The following FXYD3 variants were observed in gnomAD, a reference collection of about 807,000 sequenced individuals.
FXYD3 encodes the protein FXYD domain-containing ion transport regulator 3.
In FXYD3, 13 loss-of-function variants were observed where a neutral mutation model predicts 19.2. The ratio of observed to expected loss-of-function variants is 0.68; its 90% CI spans 0.44 to 1.08. The LOEUF (loss-of-function observed/expected upper bound fraction) is 1.08. Ranked by LOEUF, FXYD3 falls within the 50% of genes least tolerant of loss-of-function variation. The pLI is 0.00. For missense variants in FXYD3, 101 were observed against 109.4 expected (o/e 0.92, Z 0.34); for synonymous variants, 48 against 38.9 (o/e 1.23, Z -0.87).
chr19:35,123,852 G>T lies in FXYD3; in HGVS notation c.*395G>T. 3.6e-6 allele frequency: 1 copy of T among 275,838 alleles called. No homozygotes were observed. Among genetic ancestry groups the T allele is most frequent in the African/African-American group, 2.2e-5 (1 of 46,290 alleles). 17.1% of individuals were successfully genotyped at this position (275,838 alleles called of 1,614,324 possible). On this transcript the variant is annotated 3_prime_UTR_variant, in exon 9 of 9. Transcript: ENST00000604404. ...CTCCTCAGCCATGGGAACCTCATAT[G>T]CAATTTGGGATTTACTAGTAGCCAA...
intron 5 of FXYD3, 31 bp from the exon 6 acceptor site, chr19:35,122,734 G>A (rs376842783): frequency 1.6e-5 from 25 of 1,557,222 alleles, no homozygotes; most frequent in Non-Finnish European, 1.9e-5. Flanking sequence ...GACACAGGCT[G>A]GCACTGAGGT....
In FXYD3 at chr19:35,121,833, C is replaced by CT. The variant is rs202237808; in HGVS notation, c.97+597dup. 2.6e-3 allele frequency: 405 copies of CT among 154,692 alleles called. 3 individuals carry two copies. Among genetic ancestry groups the CT allele is most frequent in the South Asian group, 8.5e-3 (42 of 4,930 alleles). The allele number at this position is 154,692 out of a possible 1,614,324, so 9.6% of individuals were successfully genotyped here. A position where few individuals can be genotyped will look rare whatever the true frequency, so the allele number is the denominator to read the frequency against. The stretch of plus-strand genomic sequence containing the variant: ...TCCCTCTAAAAGAGCTGCCATCTGA[C>CT]TTTTTTTTTGTTTTAGAGACAGCGT... On this transcript the variant is annotated intron_variant, in intron 5 of 8. Transcript: ENST00000604404.
intron 5 of FXYD3, chr19:35,121,829 C>G (rs1165273050): frequency 6.4e-6 from 1 of 155,188 alleles, no homozygotes; most frequent in East Asian, 1.9e-4. Flanking sequence ...GAGCTGCCAT[C>G]TGACTTTTTT....
At position 35,123,650 on chromosome 19, in the gene FXYD3, C is replaced by A; in HGVS notation, c.*193C>A. On this transcript the variant is annotated 3_prime_UTR_variant, in exon 9 of 9. Transcript: ENST00000604404. ...TTTTTAATCTAAAATGATTGTGCCT[C>A]TGCCCAAGCAGCCTGGAGACTTCCT... The A allele has an allele frequency of 1.6e-6, 1 of 629,652 alleles. No individual in the cohort carries two copies. The highest frequency in any genetic ancestry group is 2.8e-5 in the East Asian group (1 of 36,338). 39.0% of individuals were successfully genotyped at this position (629,652 alleles called of 1,614,324 possible).
chr19:35,121,135 G>A (rs374248299), intron 4 of FXYD3, 25 bp downstream of exon 4: 19 of 1,613,770 alleles, frequency 1.2e-5, no homozygotes, highest in South Asian at 2.2e-5. Context: ...ACTCTCACCC[G>A]TCACACCCCC....
intron 2 of FXYD3, chr19:35,118,460 T>C: frequency 1.0e-6 from 1 of 987,848 alleles, no homozygotes; most frequent in Non-Finnish European, 1.2e-6. Flanking sequence ...GGCCAGGGCT[T>C]GGTGCAGCCT....
At position 35,123,255 on chromosome 19, in the gene FXYD3, A is replaced by C. The variant is rs770276554; in HGVS notation, c.210-16A>C. ...AATGGGGGCGGACACCAATCTCACC[A>C]CTTTTGTCTCCTTAGTCACCATCCA... On this transcript the variant is annotated splice_polypyrimidine_tract_variant and intron_variant, in intron 7 of 8. Coordinates refer to ENST00000604404, the MANE Select transcript of FXYD3 (RefSeq NM_005971.4). 1.3e-6 allele frequency: 2 copies of C among 1,579,352 alleles called. No homozygotes were observed. Among genetic ancestry groups the C allele is most frequent in the South Asian group, 2.4e-5 (2 of 85,000 alleles).
At chr19:35,123,362 G>GTGTT (rs1211961755) in intron 8 of FXYD3, 54 bp downstream of exon 8, 2 of 1,609,902 alleles carry the variant, frequency 1.2e-6, no homozygotes, top group African/African-American at 2.7e-5. Flanking sequence ...GTGTGTGTGT[G>GTGTT]TGTGTATGTG....
At chr19:35,116,782 A>G (rs2861493) in intron 2 of FXYD3, 7,543 of 203,866 alleles carry the variant, frequency 0.037, 433 homozygotes, top group African/African-American at 0.065. Flanking sequence ...GGGTGTCCAG[A>G]CATTGAGGGA....
chr19:35,121,596 T>C, intron 5 of FXYD3: 1 of 1,317,638 alleles, frequency 7.6e-7, no homozygotes, highest in Non-Finnish European at 9.8e-7. Flanking sequence ...CAGGTTCCAA[T>C]GACCTGCTCC....
rs371877883 is a variant in FXYD3 at position 35,122,969 on chromosome 19, C to T, written c.209+15C>T. 2.0e-5 allele frequency: 31 copies of T among 1,567,772 alleles called. No homozygotes were observed. Among genetic ancestry groups the T allele is most frequent in the East Asian group, 4.5e-5 (2 of 44,480 alleles). Reference sequence around the variant, plus strand: ...CAGAAGTCCGGGTAAGATACTGTTCCGGCATGCCCGCCTCAGGCTGACTGG... The same window carrying T: ...CAGAAGTCCGGGTAAGATACTGTTCTGGCATGCCCGCCTCAGGCTGACTGG... On this transcript the variant is annotated intron_variant, in intron 7 of 8. Coordinates refer to ENST00000604404, the MANE Select transcript of FXYD3 (RefSeq NM_005971.4).
intron 2 of FXYD3, chr19:35,117,248 GT>G: frequency 6.7e-7 from 1 of 1,484,704 alleles, no homozygotes; most frequent in Non-Finnish European, 8.9e-7. Flanking sequence ...ACTGGACGTT[GT>G]TTTGCAGAGG....
chr19:35,121,346 C>T (rs1233864646), intron 5 of FXYD3, 101 bp downstream of exon 5: 1 of 1,613,744 alleles, frequency 6.2e-7, no homozygotes, highest in South Asian at 1.1e-5. Flanking sequence ...CATCACAGGA[C>T]AAAGATACGA....
chr19:35,119,368 C>A lies in FXYD3; in HGVS notation c.-9C>A. 6.2e-7 allele frequency: 1 copy of A among 1,614,116 alleles called. No homozygotes were observed. Among genetic ancestry groups the A allele is most frequent in the Non-Finnish European group, 8.5e-7 (1 of 1,179,956 alleles). ...ACCTCCCGCCACCCCTCTAGGCCAG[C>A]GCTCTGACATGCAGAAGGTGACCCT... On this transcript the variant is annotated 5_prime_UTR_variant, in exon 3 of 9. Transcript: ENST00000604404.
chr19:35,117,757 C>CAAAAATAAAA (rs1555730991), intron 2 of FXYD3, among the ~76,000 whole-genome samples: 3 of 65,716 alleles, frequency 4.6e-5, no homozygotes, highest in Admixed American at 4.3e-4. Flanking sequence ...TTTCTTCCCG[C>CAAAAATAAAA]AAAAAAAGGA....
At chr19:35,123,126 T>C (rs528777435) in intron 7 of FXYD3, 145 bp from the exon 8 acceptor site, 1 of 1,470,820 alleles carries the variant, frequency 6.8e-7, no homozygotes. Flanking sequence ...CCCCAAATCC[T>C]GAAATGCTTT....
chr19:35,116,705 A>C (rs1317441405), intron 2 of FXYD3: 1 of 967,480 alleles, frequency 1.0e-6, no homozygotes, highest in East Asian at 1.2e-4. Context: ...AGGGGTATCT[A>C]AGTGGACCAG....
At chr19:35,120,099 C>T (rs549104596) in intron 3 of FXYD3, among the ~76,000 whole-genome samples, 1 of 151,924 alleles carries the variant, frequency 6.6e-6, no homozygotes, top group African/African-American at 2.4e-5. Flanking sequence ...CAGCTCAGTG[C>T]GACTGCATCT....
rs2065090386 is a variant in FXYD3, at chr19:35,123,256, C to T, written c.210-15C>T. 2 of 1,580,914 alleles carry T rather than the reference C, an allele frequency of 1.3e-6. No individual in the cohort carries two copies. Among genetic ancestry groups the T allele is most frequent in the African/African-American group, 1.3e-5 (1 of 74,332 alleles). Reference sequence around the variant, plus strand: ...ATGGGGGCGGACACCAATCTCACCACTTTTGTCTCCTTAGTCACCATCCAG... The same window carrying T: ...ATGGGGGCGGACACCAATCTCACCATTTTTGTCTCCTTAGTCACCATCCAG... On this transcript the variant is annotated splice_polypyrimidine_tract_variant and intron_variant, in intron 7 of 8. Coordinates refer to ENST00000604404, the MANE Select transcript of FXYD3 (RefSeq NM_005971.4).
Sources: allele counts gnomAD v4.1 joint callset (sites outside exome capture counted in the v4.1 genomes callset), GRCh38; gene constraint gnomAD v4.1.1; transcripts MANE v1.5; gene names NCBI Gene and HGNC (gene_info 2026-07-23, HGNC 2026-07-21).